NFILZ: variants seen among roughly 807,000 people sequenced by gnomAD.
NFILZ encodes NFIL3 like basic leucine zipper.
At chr19:8,653,916 G>A (rs1048481526) in intron 3 of NFILZ, among the ~76,000 whole-genome samples, 8 of 152,050 alleles carry the variant, frequency 5.3e-5, no homozygotes, top group African/African-American at 9.7e-5. Context: ...AGACTTCACC[G>A]CTAAACAATT....
rs1205803932 is a variant in NFILZ, at chr19:8,681,139, C to T, written c.*3504C>T. On this transcript the variant is annotated 3_prime_UTR_variant, in exon 6 of 6. Coordinates refer to ENST00000691075, the MANE Select transcript of NFILZ (RefSeq NM_001378600.1). ...GTGAGGCTGAGTGAAAATAAACCCA[C>T]CACATAAGTGCAGGAGAGCTGGCTC... 1.3e-5 allele frequency among the ~76,000 whole-genome samples: 2 copies of T among 152,128 alleles called. No individual in the cohort carries two copies. Among genetic ancestry groups the T allele is most frequent in the African/African-American group, 2.4e-5 (1 of 41,410 alleles).
intron 3 of NFILZ, among the ~76,000 whole-genome samples, chr19:8,673,571 T>C (rs2043097810): frequency 6.6e-6 from 1 of 152,136 alleles, no homozygotes; most frequent in Admixed American, 6.5e-5. Flanking sequence ...TGGACTTGGG[T>C]TCTGGAGTCT....
intron 3 of NFILZ, among the ~76,000 whole-genome samples, chr19:8,643,056 C>T (rs2042925648): frequency 2.0e-5 from 3 of 151,092 alleles, no homozygotes; most frequent in African/African-American, 4.9e-5. Flanking sequence ...CTCAAGCTCT[C>T]CCCCCACCTC....
At chr19:8,631,838 G>GTC (rs2042871506) in intron 1 of NFILZ, among the ~76,000 whole-genome samples, 2 of 145,082 alleles carry the variant, frequency 1.4e-5, no homozygotes, top group Non-Finnish European at 2.9e-5. Flanking sequence ...TTTTGTGTGT[G>GTC]TGTGTGTGTG....
intron 3 of NFILZ, among the ~76,000 whole-genome samples, chr19:8,663,732 G>GTGTGTATGTGTGTGTA (rs1555749442): frequency 6.8e-5 from 7 of 102,834 alleles, no homozygotes; most frequent in Non-Finnish European, 1.2e-4. Context: ...TTGTGTGTGT[G>GTGTGTATGTGTGTGTA]TGTGTGTGTG....
At chr19:8,659,144 G>A (rs1023347241) in intron 3 of NFILZ, among the ~76,000 whole-genome samples, 3 of 151,772 alleles carry the variant, frequency 2.0e-5, no homozygotes, top group Non-Finnish European at 1.5e-5. Flanking sequence ...CTACTCGGGA[G>A]GCTGAGGCAG....
At chr19:8,647,576 A>ACCC (rs71179874) in intron 3 of NFILZ, among the ~76,000 whole-genome samples, 2 of 107,990 alleles carry the variant, frequency 1.9e-5, no homozygotes, top group East Asian at 4.4e-4. Flanking sequence ...CTGTCCCCGC[A>ACCC]CCCCCCCCCC....
At position 8,680,376 on chromosome 19, in the gene NFILZ, C is replaced by G. The variant is rs1159184687; in HGVS notation, c.*2741C>G. Among the ~76,000 whole-genome samples, 1 of 151,092 alleles carries G rather than the reference C, an allele frequency of 6.6e-6. No individual in the cohort carries two copies. Among genetic ancestry groups the G allele is most frequent in the Non-Finnish European group, 1.5e-5 (1 of 67,956 alleles). On this transcript the variant is annotated 3_prime_UTR_variant, in exon 6 of 6. Transcript: ENST00000691075. The stretch of plus-strand genomic sequence containing the variant: ...AGCAAATTTTCTTGATCATAAGTTT[C>G]TCATTGTTTCATTTTATTCAAGGCA...
chr19:8,653,529 T>G (rs1228749229), intron 3 of NFILZ, among the ~76,000 whole-genome samples: 1 of 152,214 alleles, frequency 6.6e-6, no homozygotes, highest in Non-Finnish European at 1.5e-5. Context: ...GCACGCATGT[T>G]TTTTCCAGCA....
At chr19:8,659,287 A>G (rs2043019181) in intron 3 of NFILZ, among the ~76,000 whole-genome samples, 1 of 152,160 alleles carries the variant, frequency 6.6e-6, no homozygotes, top group African/African-American at 2.4e-5. Flanking sequence ...AGAGACATTA[A>G]TGAAATAATT....
At chr19:8,662,007 C>T (rs73006466) in intron 3 of NFILZ, among the ~76,000 whole-genome samples, 1,688 of 152,032 alleles carry the variant, frequency 0.011, 23 homozygotes, top group Non-Finnish European at 0.018. Flanking sequence ...GGAGAGCAGC[C>T]TGGGCAACGT....
intron 3 of NFILZ, among the ~76,000 whole-genome samples, chr19:8,672,725 A>G (rs575589132): frequency 6.6e-6 from 1 of 152,362 alleles, no homozygotes; most frequent in East Asian, 1.9e-4. Flanking sequence ...ATATTTATGC[A>G]TTAAATAGTT....
intron 3 of NFILZ, among the ~76,000 whole-genome samples, chr19:8,640,807 CT>C (rs1295543095): frequency 1.1e-4 from 16 of 152,180 alleles, no homozygotes; most frequent in Non-Finnish European, 1.8e-4. Context: ...GCAACAGCAC[CT>C]TGCAAGGGGC....
chr19:8,674,843 G>A (rs1555750583), intron 4 of NFILZ, among the ~76,000 whole-genome samples: 1 of 152,100 alleles, frequency 6.6e-6, no homozygotes, highest in African/African-American at 2.4e-5. Context: ...AAGAATAAAA[G>A]ACTAAATTAG....
chr19:8,634,906 A>C lies in NFILZ; in HGVS notation c.-260-744A>C, dbSNP rs182161832. ...ACAAACAAACAAACAAACAAACAAA[A>C]AAACAAAAAAACCAGTGTAATTTAC... On this transcript the variant is annotated intron_variant, in intron 2 of 5. Transcript: ENST00000691075. Among the ~76,000 whole-genome samples, 21 of 119,872 alleles carry C rather than the reference A, an allele frequency of 1.8e-4. No individual in the cohort carries two copies. The South Asian group carries it at 2.7e-3, about 15-fold the overall frequency. The allele number at this position is 119,872 out of a possible 152,430, so 78.6% of individuals were successfully genotyped here.
chr19:8,645,612 G>C (rs919419901), intron 3 of NFILZ, among the ~76,000 whole-genome samples: 2 of 152,196 alleles, frequency 1.3e-5, no homozygotes. Flanking sequence ...TTCTGGGAAA[G>C]TACACCTCCC....
chr19:8,655,864 T>C (rs893141142), intron 3 of NFILZ, among the ~76,000 whole-genome samples: 1 of 151,968 alleles, frequency 6.6e-6, no homozygotes, highest in Non-Finnish European at 1.5e-5. Flanking sequence ...TGTCTCCCCA[T>C]GTCTCTCTCG....
chr19:8,655,761 C>T (rs2042989268), intron 3 of NFILZ, among the ~76,000 whole-genome samples: 1 of 152,112 alleles, frequency 6.6e-6, no homozygotes, highest in Admixed American at 6.6e-5. Context: ...CCCCTCCACC[C>T]TCTCAACTCT....
intron 3 of NFILZ, among the ~76,000 whole-genome samples, chr19:8,666,940 G>A (rs192583970): frequency 6.8e-6 from 1 of 147,938 alleles, no homozygotes; most frequent in Non-Finnish European, 1.5e-5. Context: ...TGTAGAGACA[G>A]GGTTTTGCCA....
Sources: allele counts gnomAD v4.1 joint callset (sites outside exome capture counted in the v4.1 genomes callset), GRCh38; gene constraint gnomAD v4.1.1; transcripts MANE v1.5; gene names NCBI Gene and HGNC (gene_info 2026-07-23, HGNC 2026-07-21).